Variants in SPOP observed in about 807,000 individuals in gnomAD.
The protein encoded by SPOP is speckle type BTB/POZ protein, also known as speckle-type POZ protein.
In SPOP, 11 loss-of-function variants were observed where a neutral mutation model predicts 45.6. The ratio of observed to expected loss-of-function variants is 0.24; its 90% CI spans 0.15 to 0.40. The LOEUF (loss-of-function observed/expected upper bound fraction) is 0.40. Ranked by LOEUF, SPOP falls within the 10% of genes least tolerant of loss-of-function variation. The pLI, the probability that SPOP is intolerant of heterozygous loss-of-function variation, is 1.00. For synonymous variants in SPOP, 166 were observed against 166.3 expected (o/e 1.00, Z 0.01); for missense variants, 152 against 465.6 (o/e 0.33, Z 6.20).
Position 49,599,936 on chromosome 17 carries a change from AT to A in SPOP, c.*441del. On this transcript the variant is annotated 3_prime_UTR_variant, in exon 10 of 10. Transcript: ENST00000504102. ...AAATACTACTGGAATCCACAAACTG[AT>A]TTTTGAGAAATTCTGCAAAAATCTT... is the stretch of plus-strand genomic sequence containing the variant. 1 of 230,768 alleles carries A rather than the reference AT, an allele frequency of 4.3e-6. No homozygotes were observed. Among genetic ancestry groups the A allele is most frequent in the East Asian group, 6.3e-5 (1 of 15,804 alleles). The allele number at this position is 230,768 out of a possible 1,614,324, so 14.3% of individuals were successfully genotyped here.
intron 1 of SPOP, among the ~76,000 whole-genome samples, chr17:49,646,992 G>GA (rs1158420256): frequency 3.9e-5 from 6 of 152,194 alleles, no homozygotes; most frequent in African/African-American, 1.4e-4. Flanking sequence ...AACTCAGTAT[G>GA]AAAGTATGTT....
intron 6 of SPOP, among the ~76,000 whole-genome samples, 188 bp from the exon 7 acceptor site, chr17:49,608,117 T>C (rs1294693326): frequency 6.7e-6 from 1 of 148,268 alleles, no homozygotes; most frequent in African/African-American, 2.4e-5. Flanking sequence ...CTAATTATAA[T>C]ACATAAAGGA....
At chr17:49,668,160 T>C (rs1444611038) in intron 1 of SPOP, 1 of 152,198 alleles carries the variant, frequency 6.6e-6, no homozygotes. Context: ...AGAGATCTGT[T>C]GCATAACAAT....
intron 1 of SPOP, among the ~76,000 whole-genome samples, chr17:49,642,646 T>G (rs1288028048): frequency 1.3e-5 from 2 of 152,236 alleles, no homozygotes; most frequent in Admixed American, 1.3e-4. Flanking sequence ...TATAGCAGTT[T>G]CCAGAGTGGA....
At chr17:49,667,667 T>A (rs1315251314) in intron 1 of SPOP, among the ~76,000 whole-genome samples, 2 of 152,148 alleles carry the variant, frequency 1.3e-5, no homozygotes, top group Non-Finnish European at 2.9e-5. Context: ...ATAAAATGGT[T>A]CAGCCACTAT....
At chr17:49,604,155 A>G (rs2071791169) in intron 8 of SPOP, among the ~76,000 whole-genome samples, 1 of 152,252 alleles carries the variant, frequency 6.6e-6, no homozygotes, top group Non-Finnish European at 1.5e-5. Flanking sequence ...CAGATCAGGC[A>G]GAATCATAAT....
At chr17:49,613,677 T>C (rs2072023679) in intron 5 of SPOP, among the ~76,000 whole-genome samples, 1 of 152,330 alleles carries the variant, frequency 6.6e-6, no homozygotes, top group South Asian at 2.1e-4. Context: ...GTTCTGTAGA[T>C]ATATAGATGC....
chr17:49,600,654 T>C lies in SPOP; in HGVS notation c.981-132A>G. On this transcript the variant is annotated intron_variant, in intron 9 of 9. Transcript: ENST00000504102. This position sits in a 1 kb window ranked among gnomAD's most constrained non-coding sequence, Gnocchi z 4.2. ...ATGCAAGAAACAGAAGAACCCTTAA[T>C]ATGCATAAGAATTTGCTTGTTAGAC... is the stretch of plus-strand genomic sequence containing the variant. 1 of 950,882 alleles carries C rather than the reference T, an allele frequency of 1.1e-6. No homozygotes were observed. The highest frequency in any genetic ancestry group is 1.6e-6 in the Non-Finnish European group (1 of 639,428). 58.9% of individuals were successfully genotyped at this position (950,882 alleles called of 1,614,324 possible).
intron 1 of SPOP, among the ~76,000 whole-genome samples, chr17:49,672,489 G>A (rs1597990143): frequency 1.3e-5 from 2 of 152,190 alleles, no homozygotes; most frequent in African/African-American, 2.4e-5. Flanking sequence ...ATGATGCAGC[G>A]AGGAGCAAAG....
chr17:49,623,007 A>C, intron 1 of SPOP, 131 bp from the exon 2 acceptor site: 1 of 512,598 alleles, frequency 2.0e-6, no homozygotes, highest in Non-Finnish European at 3.4e-6. Flanking sequence ...CTGAGGTCCT[A>C]AAATTTTTTT....
intron 1 of SPOP, among the ~76,000 whole-genome samples, chr17:49,633,032 T>C (rs1567786382): frequency 6.6e-6 from 1 of 152,250 alleles, no homozygotes; most frequent in Non-Finnish European, 1.5e-5. Flanking sequence ...CAAATATTTC[T>C]CTAATTAAGA....
At chr17:49,615,916 C>T (rs2143231611) in intron 5 of SPOP, among the ~76,000 whole-genome samples, 1 of 141,068 alleles carries the variant, frequency 7.1e-6, no homozygotes, top group East Asian at 1.9e-4. Flanking sequence ...ATGAAGAAAA[C>T]AGAACTAAAC....
At chr17:49,662,444 G>A (rs1567802007) in intron 1 of SPOP, among the ~76,000 whole-genome samples, 1 of 152,190 alleles carries the variant, frequency 6.6e-6, no homozygotes, top group Non-Finnish European at 1.5e-5. Context: ...CACTTTGGGA[G>A]GCCCAGGCGG....
Position 49,607,234 on chromosome 17 carries a change from T to C in SPOP, c.837+16A>G, listed in dbSNP as rs1490856453. ...AATAACTCCTAGTCCTGATTATTTT[T>C]CTATTCTTATCTTACCTTGTCAGCA... On this transcript the variant is annotated intron_variant, in intron 8 of 9. Transcript: ENST00000504102. The C allele has an allele frequency of 3.1e-6, 5 of 1,613,942 alleles. No homozygotes were observed. Among genetic ancestry groups the C allele is most frequent in the Non-Finnish European group, 4.2e-6 (5 of 1,179,980 alleles).
chr17:49,672,425 A>C (rs2073147332), intron 1 of SPOP, among the ~76,000 whole-genome samples: 1 of 152,224 alleles, frequency 6.6e-6, no homozygotes, highest in African/African-American at 2.4e-5. Context: ...TAAATGATCA[A>C]ACAAACTCAG....
At chr17:49,612,075 G>T (rs1338564168) in intron 5 of SPOP, among the ~76,000 whole-genome samples, 1 of 152,010 alleles carries the variant, frequency 6.6e-6, no homozygotes, top group East Asian at 1.9e-4. Context: ...CAGAGACAAG[G>T]TCTCACTATG....
chr17:49,662,659 C>T (rs2073004576), intron 1 of SPOP, among the ~76,000 whole-genome samples: 2 of 151,778 alleles, frequency 1.3e-5, no homozygotes, highest in Non-Finnish European at 2.9e-5. Flanking sequence ...TGCACTCCAG[C>T]CTGGGCGACA....
intron 1 of SPOP, among the ~76,000 whole-genome samples, chr17:49,630,181 C>T (rs181344645): frequency 1.2e-4 from 19 of 152,192 alleles, no homozygotes; most frequent in Admixed American, 4.6e-4. Context: ...AGATTGACGA[C>T]AATTGCAAAA....
chr17:49,617,007 A>G (rs2072101506), intron 5 of SPOP, among the ~76,000 whole-genome samples: 3 of 152,236 alleles, frequency 2.0e-5, no homozygotes, highest in Non-Finnish European at 4.4e-5. Flanking sequence ...ACCACAGGAT[A>G]AGAGACTGCC....
Sources: allele counts gnomAD v4.1 joint callset (sites outside exome capture counted in the v4.1 genomes callset), GRCh38; gene constraint gnomAD v4.1.1; non-coding constraint Gnocchi (gnomAD v3.1); transcripts MANE v1.5; gene names NCBI Gene and HGNC (gene_info 2026-07-23, HGNC 2026-07-21).